The following USP39 variants were observed in gnomAD, a reference collection of about 807,000 sequenced individuals.
The protein encoded by USP39 is ubiquitin specific peptidase 39, also known as ubiquitin carboxyl-terminal hydrolase 39.
In USP39, 38 loss-of-function variants were observed where a neutral mutation model predicts 66.4. The ratio of observed to expected loss-of-function variants is 0.57; its 90% CI spans 0.44 to 0.75. The LOEUF (loss-of-function observed/expected upper bound fraction) is 0.75, where lower values mean the gene tolerates loss of function less well. Ranked by LOEUF, USP39 falls within the 30% of genes least tolerant of loss-of-function variation. The probability of loss-of-function intolerance (pLI) is 0.00; values close to 1 mark genes in which losing one functional copy is unlikely to be tolerated. For missense variants in USP39, 608 were observed against 714.4 expected (o/e 0.85, Z 1.70); for synonymous variants, 303 against 274.6 (o/e 1.10, Z -1.02).
In USP39 at chr2:85,616,357, C is replaced by T. The variant is rs1468161173; in HGVS notation, c.162C>T (p.Phe54=). Residue 54 remains phenylalanine (F), a synonymous_variant, in exon 1 of 13, where the codon TTC becomes TTT. Coordinates refer to ENST00000323701, the MANE Select transcript of USP39 (RefSeq NM_006590.4). ...GCCCTGTGCGCGTGAAGCGGGAGTT[C>T]GAGCCGGCGAGCGCGCGCGAGGCCC... ...RGSPVRVKRE[F]EPASAREAPA... 1.2e-6 allele frequency: 2 copies of T among 1,600,628 alleles called. No individual in the cohort carries two copies. Among genetic ancestry groups the T allele is most frequent in the Admixed American group, 1.7e-5 (1 of 58,900 alleles).
intron 5 of USP39, among the ~76,000 whole-genome samples, chr2:85,627,997 C>T (rs569629479): frequency 4.2e-4 from 64 of 151,976 alleles, no homozygotes; most frequent in African/African-American, 1.5e-3. Flanking sequence ...ATATTTTTGC[C>T]ATGAAGAATT....
chr2:85,639,081 C>A, intron 8 of USP39, 122 bp from the exon 9 acceptor site: 1 of 1,001,420 alleles, frequency 1.0e-6, no homozygotes, highest in Non-Finnish European at 1.4e-6. Flanking sequence ...TGCCCAATCT[C>A]TCGGGCACTT....
intron 8 of USP39, among the ~76,000 whole-genome samples, chr2:85,638,663 C>T (rs149077307): frequency 1.6e-4 from 24 of 152,038 alleles, no homozygotes; most frequent in African/African-American, 5.3e-4. Flanking sequence ...CTCAGCCTCC[C>T]GAGTAGCTAG....
chr2:85,630,762 A>G lies in USP39; in HGVS notation c.765A>G (p.Glu255=), dbSNP rs1216187455. 6.2e-7 allele frequency: 1 copy of G among 1,614,208 alleles called. No homozygotes were observed. The highest frequency in any genetic ancestry group is 1.3e-5 in the African/African-American group (1 of 75,056). ...CTCCTCTCCGGAACTACTTTCTGGA[A>G]GAAGACAATTATAAGAACATCAAAC... ...NVPPLRNYFL[E]EDNYKNIKRP... Residue 255 remains glutamate (E), a synonymous_variant, in exon 6 of 13, where the codon GAA becomes GAG. Coordinates refer to ENST00000323701, the MANE Select transcript of USP39 (RefSeq NM_006590.4).
At chr2:85,639,561 T>A in intron 9 of USP39, 170 bp downstream of exon 9, 3 of 595,314 alleles carry the variant, frequency 5.0e-6, no homozygotes, top group Non-Finnish European at 8.2e-6. Flanking sequence ...TTCAAGCGAT[T>A]CTCCTGCCTC....
In USP39 at chr2:85,616,435, G is replaced by A; in HGVS notation, c.240G>A (p.Glu80=). 6.3e-7 allele frequency: 1 copy of A among 1,580,830 alleles called. No homozygotes were observed. Among genetic ancestry groups the A allele is most frequent in the Non-Finnish European group, 8.6e-7 (1 of 1,159,492 alleles). ...VRVKREREVD[E]DSEPEREVRA... is the part of the protein sequence containing the mutation. Reference sequence around the variant, plus strand: ...TGAAGCGGGAGCGCGAGGTCGATGAGGACTCGGAGCCTGAGCGGGAGGTGC... The same window carrying A: ...TGAAGCGGGAGCGCGAGGTCGATGAAGACTCGGAGCCTGAGCGGGAGGTGC... Residue 80 remains glutamate, a synonymous_variant, in exon 1 of 13, where the codon GAG becomes GAA. Coordinates refer to ENST00000323701, the MANE Select transcript of USP39 (RefSeq NM_006590.4).
chr2:85,623,599 G>A (rs1573404787), intron 3 of USP39, 47 bp from the exon 4 acceptor site: 10 of 1,589,208 alleles, frequency 6.3e-6, no homozygotes, highest in Non-Finnish European at 7.7e-6. Flanking sequence ...TGATCTGTGT[G>A]TTCTAGTATC....
chr2:85,608,971 T>G, upstream of USP39: 1 of 1,614,140 alleles, frequency 6.2e-7, no homozygotes, highest in Non-Finnish European at 8.5e-7. Flanking sequence ...CGCTTTGCAA[T>G]CTCCTCCTGG....
chr2:85,632,750 A>G (rs1675456447), intron 6 of USP39, among the ~76,000 whole-genome samples: 2 of 152,078 alleles, frequency 1.3e-5, no homozygotes, highest in African/African-American at 4.8e-5. Flanking sequence ...GCCCGGCTCA[A>G]CTATCTTTTT....
At chr2:85,613,371 G>T (rs751793270), upstream of USP39, among the ~76,000 whole-genome samples, 2 of 152,138 alleles carry the variant, frequency 1.3e-5, no homozygotes, top group Non-Finnish European at 2.9e-5. Flanking sequence ...AATTAGCTGG[G>T]CTTGATGGCC....
upstream of USP39, chr2:85,611,950 C>G (rs1673574669): frequency 6.4e-7 from 1 of 1,570,448 alleles, no homozygotes; most frequent in Admixed American, 1.8e-5. Flanking sequence ...AGGCTTGCAG[C>G]AGTGCCCCGG....
chr2:85,603,857 T>G (rs1673109227), intron 1 of USP39, among the ~76,000 whole-genome samples: 1 of 152,182 alleles, frequency 6.6e-6, no homozygotes, highest in Non-Finnish European at 1.5e-5. Context: ...CCTCCCAAAG[T>G]GCTGGGATTA....
intron 10 of USP39, among the ~76,000 whole-genome samples, chr2:85,641,758 G>T (rs1412973156): frequency 6.6e-6 from 1 of 151,800 alleles, no homozygotes; most frequent in Non-Finnish European, 1.5e-5. Context: ...CAAAAAATTA[G>T]CCAGATGTGG....
In USP39 at chr2:85,639,260, G is replaced by T; in HGVS notation, c.1153G>T (p.Glu385Ter). The T allele has an allele frequency of 6.2e-7, 1 of 1,613,942 alleles. No homozygotes were observed. The highest frequency in any genetic ancestry group is 8.5e-7 in the Non-Finnish European group (1 of 1,179,998). The change falls in exon 9 of 13, where the codon GAG (glutamate) becomes TAG (stop). Residue 385 changes from glutamate (E) to a stop codon, truncating the protein, a stop_gained. Transcript: ENST00000323701. LOFTEE classifies it high-confidence loss of function. ...HNDEYQETMV[E>*]STFMYLTLDL... ...TGACGAGTACCAGGAGACAATGGTG[G>T]AGTCCACTTTTATGTACCTGACGCT...
rs181881199 is a variant in USP39, at chr2:85,645,828, G to T, written c.1563+745G>T. Reference sequence around the variant, plus strand: ...TATTTTTCAAGTTAATTGAGATGGGGTTGTGCTATGATGCTCATGCTGGTC... The same window carrying T: ...TATTTTTCAAGTTAATTGAGATGGGTTTGTGCTATGATGCTCATGCTGGTC... On this transcript the variant is annotated intron_variant, in intron 11 of 12. Transcript: ENST00000323701. 8 of 152,312 alleles carry T rather than the reference G, an allele frequency of 5.3e-5. No individual in the cohort carries two copies. In the East Asian group the frequency reaches 1.3e-3, roughly 26 times the overall value. 9.4% of individuals were successfully genotyped at this position (152,312 alleles called of 1,614,324 possible).
rs887527600 is a variant in USP39 at position 85,616,245 on chromosome 2, G to C, written c.50G>C (p.Arg17Pro). The change falls in exon 1 of 13, where the codon CGA becomes CCA. Residue 17 changes from arginine to proline, a missense_variant. Transcript: ENST00000323701. ...RESRGSTRGK[R>P]ESESRGSSGR... is the part of the protein sequence containing the mutation. ...TCTCGCGGTTCCACTCGCGGGAAGC[G>C]AGAGTCTGAGTCGCGGGGCAGCTCC... The C allele has an allele frequency of 6.7e-7, 1 of 1,498,632 alleles. No homozygotes were observed. The highest frequency in any genetic ancestry group is 2.5e-5 in the East Asian group (1 of 39,844). 92.8% of individuals were successfully genotyped at this position (1,498,632 alleles called of 1,614,324 possible).
intron 7 of USP39, among the ~76,000 whole-genome samples, chr2:85,636,490 A>G (rs569653309): frequency 3.3e-5 from 5 of 152,142 alleles, no homozygotes; most frequent in South Asian, 2.1e-4. Flanking sequence ...GAATATGGTT[A>G]TAGTCCCAAT....
intron 9 of USP39, 33 bp downstream of exon 9, chr2:85,639,424 T>G: frequency 6.4e-7 from 1 of 1,558,954 alleles, no homozygotes; most frequent in Non-Finnish European, 8.7e-7. Context: ...CTGCCTATAC[T>G]TACCCTCGCT....
intron 11 of USP39, among the ~76,000 whole-genome samples, chr2:85,646,883 CTTTTTTTTTTT>C (rs773751290): frequency 1.8e-5 from 2 of 108,508 alleles, no homozygotes; most frequent in African/African-American, 3.6e-5. Context: ...TGACCTGTTG[CTTTTTTTTTTT>C]TTTTTTTTTT....
Sources: allele counts gnomAD v4.1 joint callset (sites outside exome capture counted in the v4.1 genomes callset), GRCh38; gene constraint gnomAD v4.1.1; transcripts MANE v1.5; gene names NCBI Gene and HGNC (gene_info 2026-07-23, HGNC 2026-07-21).